Variants in KCNQ3 observed in about 807,000 individuals in gnomAD.
KCNQ3 encodes potassium voltage-gated channel subfamily Q member 3, also known as potassium voltage-gated channel subfamily KQT member 3.
A neutral mutation model predicts 92.5 loss-of-function variants in KCNQ3; 30 were observed. The observed-to-expected ratio is 0.32, with a 90% CI of 0.24 to 0.44. The LOEUF (loss-of-function observed/expected upper bound fraction) is 0.44, where lower values mean the gene tolerates loss of function less well. Ranked by LOEUF, KCNQ3 falls within the 20% of genes least tolerant of loss-of-function variation. KCNQ3 has a pLI of 1.00. For missense variants in KCNQ3, 913 were observed against 1,140.3 expected (o/e 0.80, Z 2.87); for synonymous variants, 450 against 468.8 (o/e 0.96, Z 0.52).
chr8:132,359,654 T>C (rs1819112186), intron 1 of KCNQ3, among the ~76,000 whole-genome samples: 1 of 152,194 alleles, frequency 6.6e-6, no homozygotes, highest in African/African-American at 2.4e-5. Context: ...AAAGTTCAGT[T>C]AGTGCTTCCT....
At chr8:132,383,611 C>G (rs1297395214) in intron 1 of KCNQ3, among the ~76,000 whole-genome samples, 1 of 152,200 alleles carries the variant, frequency 6.6e-6, no homozygotes, top group Non-Finnish European at 1.5e-5. Context: ...TGGGTCTAAA[C>G]ACTGGAGGGA....
intron 1 of KCNQ3, among the ~76,000 whole-genome samples, chr8:132,277,103 TA>T (rs941926838): frequency 1.3e-5 from 2 of 152,058 alleles, no homozygotes; most frequent in Non-Finnish European, 2.9e-5. Context: ...GAAACTTGAT[TA>T]AAACTTATTA....
Position 132,197,869 on chromosome 8 carries a change from C to T in KCNQ3, c.387-11688G>A, listed in dbSNP as rs142693438. Among the ~76,000 whole-genome samples, 260 of 152,260 alleles carry T rather than the reference C, an allele frequency of 1.7e-3. 2 individuals are homozygous for T. The highest frequency in any genetic ancestry group is 6.1e-3 in the African/African-American group (255 of 41,546). On this transcript the variant is annotated intron_variant, in intron 1 of 14. Coordinates refer to ENST00000388996, the MANE Select transcript of KCNQ3 (RefSeq NM_004519.4). ...TTTAAGTATCTTCATGTTGCAAGTA[C>T]CTGCCATGTTTCCCTCATAAACGGG...
chr8:132,392,942 T>C (rs1351299724), intron 1 of KCNQ3, among the ~76,000 whole-genome samples: 2 of 151,976 alleles, frequency 1.3e-5, no homozygotes, highest in Non-Finnish European at 2.9e-5. Flanking sequence ...GGTAGTTCTT[T>C]ATTGTCTGGG....
Position 132,129,125 on chromosome 8 carries a change from C to T in KCNQ3, c.*137G>A. The T allele has an allele frequency of 2.0e-6, 2 of 1,011,738 alleles. No homozygotes were observed. Among genetic ancestry groups the T allele is most frequent in the East Asian group, 2.4e-5 (1 of 41,340 alleles). The allele number at this position is 1,011,738 out of a possible 1,614,324, so 62.7% of individuals were successfully genotyped here. The stretch of plus-strand genomic sequence containing the variant: ...AGGAAGAGGCTGTGGGAAGCCCCTG[C>T]CTGGGTGGGGCCACCACGCACACGC... On this transcript the variant is annotated 3_prime_UTR_variant, in exon 15 of 15. Coordinates refer to ENST00000388996, the MANE Select transcript of KCNQ3 (RefSeq NM_004519.4). This position sits in a 1 kb window ranked among gnomAD's most constrained non-coding sequence, Gnocchi z 5.9.
intron 1 of KCNQ3, among the ~76,000 whole-genome samples, chr8:132,478,376 C>G (rs1160028661): frequency 6.6e-6 from 1 of 152,138 alleles, no homozygotes; most frequent in Non-Finnish European, 1.5e-5. Flanking sequence ...TCAGTCAGTA[C>G]GTACTGAACG....
chr8:132,284,378 T>C (rs968776883), intron 1 of KCNQ3, among the ~76,000 whole-genome samples: 1 of 152,184 alleles, frequency 6.6e-6, no homozygotes, highest in African/African-American at 2.4e-5. Context: ...GATTCAATAA[T>C]GACCATTTGT....
intron 14 of KCNQ3, among the ~76,000 whole-genome samples, chr8:132,131,416 G>A (rs941032653): frequency 1.3e-5 from 2 of 152,166 alleles, no homozygotes; most frequent in Non-Finnish European, 2.9e-5. Context: ...TTTCCACCTT[G>A]AATGGATCTC....
intron 1 of KCNQ3, among the ~76,000 whole-genome samples, chr8:132,354,018 C>T (rs1389784778): frequency 3.3e-5 from 5 of 152,158 alleles, no homozygotes; most frequent in Admixed American, 3.3e-4. Context: ...CTGTGGGGAA[C>T]ACACAGAGCA....
At chr8:132,373,946 C>T (rs962000004) in intron 1 of KCNQ3, among the ~76,000 whole-genome samples, 4 of 152,230 alleles carry the variant, frequency 2.6e-5, no homozygotes, top group Non-Finnish European at 5.9e-5. Context: ...CCACCCTCCC[C>T]GAGGTGGGTA....
At chr8:132,387,599 A>C (rs766880284) in intron 1 of KCNQ3, among the ~76,000 whole-genome samples, 5 of 152,188 alleles carry the variant, frequency 3.3e-5, no homozygotes, top group Non-Finnish European at 7.3e-5. Context: ...AAAACAATGA[A>C]CTTCAAAGAA....
intron 1 of KCNQ3, among the ~76,000 whole-genome samples, chr8:132,340,458 G>A (rs537074233): frequency 3.0e-4 from 45 of 152,286 alleles, no homozygotes; most frequent in South Asian, 1.7e-3. Flanking sequence ...CATTTCCTTC[G>A]CAGGGACATG....
intron 1 of KCNQ3, among the ~76,000 whole-genome samples, chr8:132,284,198 G>A (rs184924528): frequency 3.3e-4 from 50 of 152,196 alleles, no homozygotes; most frequent in African/African-American, 1.2e-3. Context: ...AAAAATAATA[G>A]GGCTTGAGAG....
chr8:132,121,218 G>C lies in KCNQ3; in HGVS notation c.*8044C>G, dbSNP rs1824459459. 6.6e-6 allele frequency: 1 copy of C among 152,124 alleles called. No homozygotes were observed. The highest frequency in any genetic ancestry group is 1.5e-5 in the Non-Finnish European group (1 of 68,024). The allele number at this position is 152,124 out of a possible 1,614,324, so 9.4% of individuals were successfully genotyped here. A position where few individuals can be genotyped will look rare whatever the true frequency, so the allele number is the denominator to read the frequency against. On this transcript the variant is annotated 3_prime_UTR_variant, in exon 15 of 15. Transcript: ENST00000388996. Reference sequence around the variant, plus strand: ...TCAAATATAATGGATTCATGTCACTGGGAACCTCCATTTGTTCTTCAAAGA... The same window carrying C: ...TCAAATATAATGGATTCATGTCACTCGGAACCTCCATTTGTTCTTCAAAGA...
intron 14 of KCNQ3, among the ~76,000 whole-genome samples, chr8:132,130,370 C>A (rs1205283883): frequency 6.6e-6 from 1 of 152,190 alleles, no homozygotes; most frequent in African/African-American, 2.4e-5. Flanking sequence ...AACCACCGCG[C>A]CTGACCGGAA....
rs139015456 is a variant in KCNQ3, at chr8:132,219,875, C to A, written c.387-33694G>T. On this transcript the variant is annotated intron_variant, in intron 1 of 14. Coordinates refer to ENST00000388996, the MANE Select transcript of KCNQ3 (RefSeq NM_004519.4). ...AAAGAGAAGTAAGAATCCATCTGAT[C>A]AATATACTCCATGTCTTCCATTTTA... is the stretch of plus-strand genomic sequence containing the variant. Among the ~76,000 whole-genome samples the A allele has an allele frequency of 1.5e-3, 222 of 152,116 alleles. 1 individual carries two copies. The highest frequency in any genetic ancestry group is 5.0e-3 in the African/African-American group (206 of 41,428).
chr8:132,367,637 T>C (rs1819360544), intron 1 of KCNQ3, among the ~76,000 whole-genome samples: 2 of 152,348 alleles, frequency 1.3e-5, no homozygotes, highest in African/African-American at 4.8e-5. Flanking sequence ...ATCTCAAAGA[T>C]ACAATCAGAC....
At position 132,383,979 on chromosome 8, in the gene KCNQ3, A is replaced by G. The variant is rs146873286; in HGVS notation, c.386+96168T>C. Reference sequence around the variant, plus strand: ...GTTTCTGAGTTAAGTCTTAGCTACAATTTGCTGTAATGCACTTTGTCAGGC... The same window carrying G: ...GTTTCTGAGTTAAGTCTTAGCTACAGTTTGCTGTAATGCACTTTGTCAGGC... On this transcript the variant is annotated intron_variant, in intron 1 of 14. Transcript: ENST00000388996. Among the ~76,000 whole-genome samples the G allele has an allele frequency of 5.2e-3, 784 of 152,112 alleles. 9 individuals are homozygous for G. Among genetic ancestry groups the G allele is most frequent in the African/African-American group, 0.017 (722 of 41,436 alleles).
At chr8:132,470,104 T>C (rs1194843330) in intron 1 of KCNQ3, among the ~76,000 whole-genome samples, 8 of 24,636 alleles carry the variant, frequency 3.2e-4, no homozygotes, top group Non-Finnish European at 5.6e-4. Context: ...CAGAAAGAAC[T>C]ATGCTCATCT....
Sources: gnomAD v4.1 joint callset for allele counts (sites outside exome capture counted in the v4.1 genomes callset) on GRCh38, gnomAD v4.1.1 for gene constraint, Gnocchi (gnomAD v3.1) non-coding constraint, MANE v1.5 for transcripts, NCBI Gene and HGNC (gene_info 2026-07-23, HGNC 2026-07-21) for gene names.